The following EIF2AK3 variants were observed in gnomAD, a reference collection of about 807,000 sequenced individuals.
EIF2AK3 encodes eukaryotic translation initiation factor 2-alpha kinase 3.
In EIF2AK3, 50 loss-of-function variants were observed where a neutral mutation model predicts 113.5. The ratio of observed to expected loss-of-function variants is 0.44; its 90% CI spans 0.35 to 0.56. EIF2AK3 has a LOEUF of 0.56. EIF2AK3 is among the 20% of genes least tolerant of loss of function. The probability of loss-of-function intolerance (pLI) is 0.00; values close to 1 mark genes in which losing one functional copy is unlikely to be tolerated. For missense variants in EIF2AK3, 1,185 were observed against 1,378.0 expected, an observed-to-expected ratio of 0.86 and a Z score of 2.22; for synonymous variants, 448 against 495.4, an observed-to-expected ratio of 0.90 and a Z score of 1.27.
chr2:88,606,635 G>A (rs970212438), intron 2 of EIF2AK3, among the ~76,000 whole-genome samples: 19 of 152,182 alleles, frequency 1.2e-4, no homozygotes, highest in African/African-American at 4.3e-4. Flanking sequence ...AAAAGTAAGA[G>A]AAGCTTTAAA....
intron 12 of EIF2AK3, 138 bp from the exon 13 acceptor site, chr2:88,575,584 T>C: frequency 1.1e-6 from 1 of 881,768 alleles, no homozygotes; most frequent in Non-Finnish European, 1.8e-6. Context: ...ACAAACTAAA[T>C]AAAAACATGC....
At chr2:88,604,976 AT>A (rs1234160621) in intron 2 of EIF2AK3, among the ~76,000 whole-genome samples, 1 of 152,202 alleles carries the variant, frequency 6.6e-6, no homozygotes, top group African/African-American at 2.4e-5. Flanking sequence ...TATCAGATAA[AT>A]CTCTGAACCT....
intron 2 of EIF2AK3, among the ~76,000 whole-genome samples, chr2:88,596,194 A>G (rs979075189): frequency 3.9e-5 from 6 of 152,214 alleles, no homozygotes; most frequent in African/African-American, 1.4e-4. Flanking sequence ...TACTGATTCA[A>G]GTAGTGTCCC....
intron 2 of EIF2AK3, among the ~76,000 whole-genome samples, chr2:88,607,560 A>G (rs1675322349): frequency 6.6e-6 from 1 of 152,306 alleles, no homozygotes; most frequent in African/African-American, 2.4e-5. Flanking sequence ...AATTCATACA[A>G]TTCATTCTAA....
chr2:88,613,649 C>T, intron 2 of EIF2AK3, 75 bp downstream of exon 2: 1 of 1,558,524 alleles, frequency 6.4e-7, no homozygotes, highest in South Asian at 1.1e-5. Context: ...GGCAATAGGG[C>T]CCCAAACTTC....
upstream of EIF2AK3, chr2:88,627,914 T>C (rs1305492839): frequency 1.3e-5 from 2 of 151,706 alleles, no homozygotes; most frequent in Non-Finnish European, 1.5e-5. Context: ...AAGTGAAGAG[T>C]GGGAGGCAAG....
At chr2:88,560,741 G>C (rs576721541) in intron 15 of EIF2AK3, among the ~76,000 whole-genome samples, 56 of 148,750 alleles carry the variant, frequency 3.8e-4, no homozygotes, top group Admixed American at 1.3e-3. Flanking sequence ...TGGTTATTTT[G>C]ACTGTTTTTT....
intron 16 of EIF2AK3, 49 bp downstream of exon 16, chr2:88,558,868 C>T (rs545376650): frequency 2.6e-5 from 37 of 1,441,452 alleles, no homozygotes; most frequent in South Asian, 7.0e-5. Context: ...GGACCGCTTA[C>T]GTTCTAAAGA....
Position 88,613,840 on chromosome 2 carries a change from T to A in EIF2AK3, c.322A>T (p.Ile108Phe). 1 of 1,612,662 alleles carries A rather than the reference T, an allele frequency of 6.2e-7. No individual in the cohort carries two copies. The highest frequency in any genetic ancestry group is 1.1e-5 in the South Asian group (1 of 91,052). ...GCAATTCTCCCATCTAAAGTGCTGA[T>A]AATTACTAATGACCTGTAAATATTA... ...LRPRGRSLVIISTLDGRIAAL... is the reference protein window; with the variant it reads ...LRPRGRSLVIFSTLDGRIAAL... Residue 108 changes from isoleucine (I) to phenylalanine (F), a missense_variant, in exon 2 of 17, where the codon ATC becomes TTC. By Grantham distance (21) the Ile-to-Phe change is conservative. Around this residue, in one of 3 missense-constraint regions of EIF2AK3, gnomAD observed 189 missense variants for 175.2 expected, o/e 1.08. Coordinates refer to ENST00000303236, the MANE Select transcript of EIF2AK3 (RefSeq NM_004836.7).
intron 4 of EIF2AK3, among the ~76,000 whole-genome samples, chr2:88,592,618 C>T (rs1360323023): frequency 2.0e-5 from 3 of 151,944 alleles, no homozygotes; most frequent in Non-Finnish European, 2.9e-5. Flanking sequence ...ACAAAATTAG[C>T]CGGGCATGGT....
intron 9 of EIF2AK3, among the ~76,000 whole-genome samples, chr2:88,585,609 A>G (rs1674700630): frequency 6.6e-6 from 1 of 152,224 alleles, no homozygotes; most frequent in Non-Finnish European, 1.5e-5. Context: ...GTGTCAAGGA[A>G]GTCAGGCAAG....
At chr2:88,574,099 T>G (rs1674387234) in intron 13 of EIF2AK3, among the ~76,000 whole-genome samples, 1 of 152,238 alleles carries the variant, frequency 6.6e-6, no homozygotes, top group Non-Finnish European at 1.5e-5. Flanking sequence ...AACAGTCATC[T>G]GTTAACTATT....
At chr2:88,600,027 T>C (rs959891329) in intron 2 of EIF2AK3, among the ~76,000 whole-genome samples, 1 of 152,182 alleles carries the variant, frequency 6.6e-6, no homozygotes, top group Non-Finnish European at 1.5e-5. Flanking sequence ...CAGCATTAAC[T>C]CAGTAAGTGC....
intron 6 of EIF2AK3, among the ~76,000 whole-genome samples, chr2:88,589,978 C>T (rs1674840545): frequency 6.6e-6 from 1 of 152,136 alleles, no homozygotes; most frequent in Non-Finnish European, 1.5e-5. Flanking sequence ...TGGCTCATGC[C>T]TGTAATCCCA....
chr2:88,611,579 T>A (rs1675456540), intron 2 of EIF2AK3, among the ~76,000 whole-genome samples: 1 of 152,164 alleles, frequency 6.6e-6, no homozygotes, highest in African/African-American at 2.4e-5. Flanking sequence ...TTTTCCTGCA[T>A]GAAAAGCGAC....
chr2:88,580,900 C>T (rs938300239), intron 10 of EIF2AK3, among the ~76,000 whole-genome samples: 1 of 152,016 alleles, frequency 6.6e-6, no homozygotes, highest in African/African-American at 2.4e-5. Flanking sequence ...GTCAAGGTAC[C>T]TCAGTACAAA....
intron 1 of EIF2AK3, 87 bp from the exon 2 acceptor site, chr2:88,613,940 T>C (rs1245881060): frequency 1.6e-6 from 2 of 1,219,098 alleles, no homozygotes; most frequent in African/African-American, 1.5e-5. Flanking sequence ...AACCAGCCCA[T>C]GTCCAGGCCT....
chr2:88,580,201 C>G (rs1674565169), intron 10 of EIF2AK3, among the ~76,000 whole-genome samples: 2 of 152,178 alleles, frequency 1.3e-5, no homozygotes, highest in Non-Finnish European at 2.9e-5. Flanking sequence ...GAAGCCAACT[C>G]ACCATCTGTC....
At chr2:88,581,172 G>A (rs772686017) in intron 10 of EIF2AK3, among the ~76,000 whole-genome samples, 92 of 146,758 alleles carry the variant, frequency 6.3e-4, no homozygotes, top group African/African-American at 1.5e-3. Context: ...GGACATTGTC[G>A]CCACTAAAAA....
Sources: allele counts gnomAD v4.1 joint callset (sites outside exome capture counted in the v4.1 genomes callset), GRCh38; gene constraint gnomAD v4.1.1; regional missense constraint gnomAD v4.1.1; transcripts MANE v1.5; gene names NCBI Gene and HGNC (gene_info 2026-07-23, HGNC 2026-07-21).